The following BRINP1 variants were observed in gnomAD, a reference collection of about 807,000 sequenced individuals.
BRINP1 encodes BMP/retinoic acid inducible neural specific 1.
In BRINP1, 17 loss-of-function variants were observed where a neutral mutation model predicts 72.9. That is an observed-to-expected ratio of 0.23 (90% CI 0.16 to 0.35). The LOEUF is 0.35. Among genes scored for constraint, BRINP1 ranks in the 10% least tolerant of loss-of-function variants. The probability of loss-of-function intolerance (pLI) is 1.00; values close to 1 mark genes in which losing one functional copy is unlikely to be tolerated. For missense variants in BRINP1, 850 were observed against 1,001.6 expected (o/e 0.85, Z 2.04); for synonymous variants, 418 against 378.5 (o/e 1.10, Z -1.21).
chr9:119,323,229 G>T (rs1317863934), intron 1 of BRINP1, among the ~76,000 whole-genome samples: 1 of 152,168 alleles, frequency 6.6e-6, no homozygotes, highest in Non-Finnish European at 1.5e-5. Context: ...TGGAGCTTGG[G>T]AGAACATGGA....
intron 6 of BRINP1, among the ~76,000 whole-genome samples, chr9:119,211,989 CTG>C (rs1273683597): frequency 1.3e-5 from 2 of 152,020 alleles, no homozygotes; most frequent in African/African-American, 4.8e-5. Flanking sequence ...TAAATTCCCT[CTG>C]TTTTTTTTTT....
chr9:119,311,371 G>T (rs1448557140), intron 2 of BRINP1, among the ~76,000 whole-genome samples: 2 of 152,114 alleles, frequency 1.3e-5, no homozygotes, highest in Non-Finnish European at 2.9e-5. Context: ...TCAACTTATT[G>T]GATGATTGCA....
intron 7 of BRINP1, among the ~76,000 whole-genome samples, chr9:119,177,629 A>T (rs1310220874): frequency 1.3e-5 from 2 of 151,920 alleles, no homozygotes; most frequent in African/African-American, 4.8e-5. Context: ...CATCATTGGG[A>T]CCCTTTGTAA....
chr9:119,170,741 G>C (rs1310546426), intron 7 of BRINP1, among the ~76,000 whole-genome samples: 1 of 127,872 alleles, frequency 7.8e-6, no homozygotes, highest in African/African-American at 3.6e-5. Context: ...GAAAGGTCGG[G>C]TTACCCTCAA....
chr9:119,194,684 G>A (rs2118854591), intron 7 of BRINP1, among the ~76,000 whole-genome samples: 1 of 152,294 alleles, frequency 6.6e-6, no homozygotes, highest in East Asian at 1.9e-4. Context: ...AGAATCCCTA[G>A]CAACAAACAG....
chr9:119,199,526 T>C (rs1168756455), intron 7 of BRINP1, among the ~76,000 whole-genome samples: 3 of 152,166 alleles, frequency 2.0e-5, no homozygotes, highest in African/African-American at 7.2e-5. Flanking sequence ...TGGCTAAGGC[T>C]CGGACTGCTG....
At chr9:119,318,367 A>T (rs1488864488) in intron 1 of BRINP1, among the ~76,000 whole-genome samples, 1 of 152,188 alleles carries the variant, frequency 6.6e-6, no homozygotes. Flanking sequence ...AATGTGATTT[A>T]TTGCCCAGTT....
chr9:119,352,806 T>A (rs1317567495), intron 1 of BRINP1, among the ~76,000 whole-genome samples: 2 of 152,272 alleles, frequency 1.3e-5, no homozygotes, highest in Non-Finnish European at 2.9e-5. Flanking sequence ...TTTGATAAAT[T>A]ATGAAATCCT....
intron 7 of BRINP1, among the ~76,000 whole-genome samples, chr9:119,200,098 C>T (rs757017425): frequency 3.9e-5 from 6 of 152,144 alleles, no homozygotes; most frequent in Admixed American, 2.6e-4. Context: ...ACTTTATATA[C>T]GAACACGGAA....
chr9:119,237,713 G>A (rs1830206058), intron 5 of BRINP1, among the ~76,000 whole-genome samples: 1 of 151,886 alleles, frequency 6.6e-6, no homozygotes, highest in African/African-American at 2.4e-5. Flanking sequence ...CTAGGCTGGA[G>A]TGCAGTGGCG....
intron 7 of BRINP1, 101 bp downstream of exon 7, chr9:119,208,618 C>T (rs1829884512): frequency 1.6e-6 from 2 of 1,248,094 alleles, no homozygotes; most frequent in African/African-American, 1.5e-5. Context: ...TGTTTGCCAC[C>T]CCACAAATGC....
intron 7 of BRINP1, among the ~76,000 whole-genome samples, chr9:119,178,005 G>A (rs534331102): frequency 6.6e-6 from 1 of 152,260 alleles, no homozygotes; most frequent in East Asian, 1.9e-4. Context: ...GGTGGAGAGT[G>A]GGGAAGGGTG....
At chr9:119,224,920 T>C (rs889034456) in intron 5 of BRINP1, among the ~76,000 whole-genome samples, 4 of 152,066 alleles carry the variant, frequency 2.6e-5, no homozygotes, top group Non-Finnish European at 4.4e-5. Flanking sequence ...ATAATCCTCT[T>C]AGAGGAAACG....
intron 2 of BRINP1, among the ~76,000 whole-genome samples, chr9:119,286,790 CCAGA>C (rs2118968363): frequency 6.6e-6 from 1 of 152,294 alleles, no homozygotes; most frequent in African/African-American, 2.4e-5. Context: ...GGGGAACTCA[CCAGA>C]CAGAGTGTTC....
At chr9:119,175,873 C>G (rs1829483278) in intron 7 of BRINP1, among the ~76,000 whole-genome samples, 1 of 152,104 alleles carries the variant, frequency 6.6e-6, no homozygotes, top group South Asian at 2.1e-4. Flanking sequence ...CCAATTTTCT[C>G]GCTTGAGCCT....
intron 3 of BRINP1, among the ~76,000 whole-genome samples, chr9:119,243,006 T>C (rs1830272669): frequency 6.6e-6 from 1 of 151,970 alleles, no homozygotes; most frequent in Admixed American, 6.6e-5. Flanking sequence ...TCTAAGAAGC[T>C]TTATTTGGTA....
intron 1 of BRINP1, among the ~76,000 whole-genome samples, chr9:119,364,096 C>T (rs1321147976): frequency 6.8e-6 from 1 of 146,350 alleles, no homozygotes. Flanking sequence ...GGACAGTATT[C>T]AGGGTGCCAA....
intron 6 of BRINP1, chr9:119,213,697 A>G: frequency 1.6e-6 from 1 of 616,410 alleles, no homozygotes; most frequent in Non-Finnish European, 2.9e-6. Flanking sequence ...AATACATCAT[A>G]TGACCACAAA....
intron 1 of BRINP1, among the ~76,000 whole-genome samples, chr9:119,362,701 A>G (rs1459904095): frequency 6.6e-6 from 1 of 151,902 alleles, no homozygotes; most frequent in Non-Finnish European, 1.5e-5. Flanking sequence ...TTTTCTATCC[A>G]TTTCCCCTAC....
Sources: allele counts gnomAD v4.1 joint callset (sites outside exome capture counted in the v4.1 genomes callset), GRCh38; gene constraint gnomAD v4.1.1; transcripts MANE v1.5; gene names NCBI Gene and HGNC (gene_info 2026-07-23, HGNC 2026-07-21).